The following SEC23B variants were observed in gnomAD, a reference collection of about 807,000 sequenced individuals.
The protein encoded by SEC23B is SEC23 homolog B, COPII component, also known as protein transport protein Sec23B.
SEC23B carries 77 observed loss-of-function variants against 104.3 expected under a neutral mutation model. The ratio of observed to expected loss-of-function variants is 0.74; its 90% CI spans 0.61 to 0.89. The LOEUF (loss-of-function observed/expected upper bound fraction) is 0.89. SEC23B is among the 40% of genes least tolerant of loss of function. SEC23B has a pLI of 0.00. For synonymous variants in SEC23B, 338 were observed against 332.5 expected (o/e 1.02, Z -0.18); for missense variants, 885 against 949.4 (o/e 0.93, Z 0.89).
chr20:18,545,856 A>G, intron 14 of SEC23B, 100 bp from the exon 15 acceptor site: 1 of 783,816 alleles, frequency 1.3e-6, no homozygotes, highest in South Asian at 1.4e-5. Context: ...TTCAGACTGG[A>G]TGTAGCTTAG....
intron 9 of SEC23B, among the ~76,000 whole-genome samples, chr20:18,528,492 A>G (rs371703310): frequency 5.9e-5 from 9 of 152,230 alleles, no homozygotes; most frequent in South Asian, 2.1e-4. Flanking sequence ...ACAATATCCC[A>G]GGTGATTTGC....
At chr20:18,538,360 C>G (rs1258470789) in intron 12 of SEC23B, among the ~76,000 whole-genome samples, 7 of 151,410 alleles carry the variant, frequency 4.6e-5, no homozygotes, top group African/African-American at 1.7e-4. Flanking sequence ...CGCCATTCTC[C>G]TGCCTCAGCC....
At chr20:18,517,604 G>C (rs1317050842) in intron 4 of SEC23B, among the ~76,000 whole-genome samples, 1 of 152,160 alleles carries the variant, frequency 6.6e-6, no homozygotes, top group Non-Finnish European at 1.5e-5. Context: ...TGAAGTGTTG[G>C]AGCAGTGAAA....
chr20:18,557,993 C>T (rs1207012340), intron 19 of SEC23B, among the ~76,000 whole-genome samples: 4 of 151,980 alleles, frequency 2.6e-5, no homozygotes, highest in Admixed American at 6.6e-5. Context: ...TCAGGTGATC[C>T]GCCCGCCTCA....
chr20:18,530,055 A>C (rs1254732125), intron 9 of SEC23B, among the ~76,000 whole-genome samples: 3 of 152,154 alleles, frequency 2.0e-5, no homozygotes, highest in Non-Finnish European at 4.4e-5. Context: ...AGAATTCAGT[A>C]TTTTGAGGCA....
At chr20:18,530,047 A>C (rs1462023418) in intron 9 of SEC23B, among the ~76,000 whole-genome samples, 1 of 152,164 alleles carries the variant, frequency 6.6e-6, no homozygotes, top group African/African-American at 2.4e-5. Flanking sequence ...TAAAGTCAAG[A>C]ATTCAGTATT....
chr20:18,554,555 C>T (rs376188575), intron 18 of SEC23B, among the ~76,000 whole-genome samples, 165 bp downstream of exon 18: 3 of 152,048 alleles, frequency 2.0e-5, no homozygotes, highest in East Asian at 1.9e-4. Context: ...AGGCCAAGCG[C>T]GGTGGCTCAC....
intron 3 of SEC23B, among the ~76,000 whole-genome samples, chr20:18,515,090 A>G (rs2060013427): frequency 6.6e-6 from 1 of 152,154 alleles, no homozygotes; most frequent in South Asian, 2.1e-4. Context: ...AGGGGAGAAA[A>G]TCACTTGAAA....
At chr20:18,551,884 T>C (rs1263501982) in intron 17 of SEC23B, among the ~76,000 whole-genome samples, 1 of 152,172 alleles carries the variant, frequency 6.6e-6, no homozygotes, top group Non-Finnish European at 1.5e-5. Context: ...CTGCTGTTCT[T>C]TCAGAGTTAG....
At chr20:18,550,064 C>CTATGTATATAAATATATATGTATATGAT (rs1568622558) in intron 16 of SEC23B, among the ~76,000 whole-genome samples, 5 of 146,460 alleles carry the variant, frequency 3.4e-5, no homozygotes, top group Admixed American at 6.8e-5. Context: ...TATATAAGAA[C>CTATGTATATAAATATATATGTATATGAT]TATGTATATA....
intron 14 of SEC23B, among the ~76,000 whole-genome samples, chr20:18,544,137 G>T (rs1011992700): frequency 4.6e-5 from 7 of 152,202 alleles, no homozygotes; most frequent in African/African-American, 1.7e-4. Context: ...TGAGTTTGGA[G>T]CCAGCACAAG....
intron 4 of SEC23B, 159 bp downstream of exon 4, chr20:18,515,895 G>A (rs543974171): frequency 1.2e-5 from 8 of 665,640 alleles, no homozygotes; most frequent in South Asian, 1.1e-4. Flanking sequence ...TACTGGCATT[G>A]TTTTCAAGTC....
chr20:18,511,275 G>C (rs921053331), intron 2 of SEC23B, among the ~76,000 whole-genome samples: 1 of 152,154 alleles, frequency 6.6e-6, no homozygotes, highest in South Asian at 2.1e-4. Context: ...AATCTTACAG[G>C]AATGAGGTAG....
intron 8 of SEC23B, 119 bp from the exon 9 acceptor site, chr20:18,527,377 C>CA: frequency 1.3e-6 from 1 of 763,040 alleles, no homozygotes; most frequent in Non-Finnish European, 2.4e-6. Flanking sequence ...GACTCTGTCA[C>CA]AAAAAGAGAA....
At chr20:18,522,873 C>T (rs1456814721) in intron 4 of SEC23B, among the ~76,000 whole-genome samples, 1 of 151,772 alleles carries the variant, frequency 6.6e-6, no homozygotes, top group Non-Finnish European at 1.5e-5. Context: ...CTGGCTAACA[C>T]AGTGAAACCC....
At chr20:18,540,848 C>A (rs929387181) in intron 12 of SEC23B, among the ~76,000 whole-genome samples, 1 of 152,142 alleles carries the variant, frequency 6.6e-6, no homozygotes, top group Admixed American at 6.5e-5. Context: ...AGAGCAAGAA[C>A]CTGTCTTAGA....
intron 4 of SEC23B, among the ~76,000 whole-genome samples, chr20:18,518,706 T>A (rs184156209): frequency 6.8e-6 from 1 of 146,834 alleles, no homozygotes; most frequent in African/African-American, 2.5e-5. Context: ...AAACTGGCCA[T>A]GAGGGACAGA....
chr20:18,529,919 C>G (rs562878550), intron 9 of SEC23B, among the ~76,000 whole-genome samples: 3 of 152,192 alleles, frequency 2.0e-5, no homozygotes, highest in African/African-American at 7.2e-5. Context: ...GCATAACTTG[C>G]GTCAAGCTGT....
Position 18,554,158 on chromosome 20 carries a change from G to A in SEC23B, c.1993-77G>A, listed in dbSNP as rs2060413638. On this transcript the variant is annotated intron_variant, in intron 17 of 19. Coordinates refer to ENST00000650089, the MANE Select transcript of SEC23B (RefSeq NM_006363.6). ...TCACTAGAAACAAGCTCTGGGTGGCGATGGTAGAATGTCAGTGTCAGTGAA... is the reference window on the plus strand; with the variant it reads ...TCACTAGAAACAAGCTCTGGGTGGCAATGGTAGAATGTCAGTGTCAGTGAA... 19 of 1,526,900 alleles carry A rather than the reference G, an allele frequency of 1.2e-5. No individual in the cohort carries two copies. In the East Asian group the frequency reaches 2.3e-4, roughly 18 times the overall value. 94.6% of individuals were successfully genotyped at this position (1,526,900 alleles called of 1,614,324 possible).
Sources: allele counts gnomAD v4.1 joint callset (sites outside exome capture counted in the v4.1 genomes callset), GRCh38; gene constraint gnomAD v4.1.1; transcripts MANE v1.5; gene names NCBI Gene and HGNC (gene_info 2026-07-23, HGNC 2026-07-21).